The following QTGAL variants were observed in gnomAD, a reference collection of about 807,000 sequenced individuals.
The protein encoded by QTGAL is BGnT-like protein 1.
At chr17:83,014,458 G>A in the QTGAL span, 4 of 1,613,858 alleles carry the variant, frequency 2.5e-6, no homozygotes, top group Middle Eastern at 1.6e-4. Context: ...ACTTACGCTC[G>A]ACGGGTGCTG....
chr17:83,043,980 G>C, the QTGAL span, among the ~76,000 whole-genome samples: 1 of 151,728 alleles, frequency 6.6e-6, no homozygotes, highest in African/African-American at 2.4e-5. Context: ...AACAAATAAA[G>C]AGATTGACTC....
the QTGAL span, chr17:82,957,130 C>T: frequency 6.2e-7 from 1 of 1,608,190 alleles, no homozygotes; most frequent in Non-Finnish European, 8.5e-7. Context: ...TGTCCCTCAG[C>T]CCCGGAGCAG....
the QTGAL span, among the ~76,000 whole-genome samples, chr17:83,042,714 T>C: frequency 0.15 from 22,843 of 152,160 alleles, 1,783 homozygotes; most frequent in African/African-American, 0.21. Context: ...TCACTTTAAA[T>C]GTAAATGGAC....
At chr17:82,988,302 A>AT in the QTGAL span, among the ~76,000 whole-genome samples, 2 of 152,232 alleles carry the variant, frequency 1.3e-5, no homozygotes, top group African/African-American at 4.8e-5. Flanking sequence ...CTGGCTAGCC[A>AT]TATGCAGAAA....
the QTGAL span, among the ~76,000 whole-genome samples, chr17:83,023,015 A>G: frequency 5.4e-5 from 2 of 37,030 alleles, no homozygotes; most frequent in Non-Finnish European, 5.3e-5. Flanking sequence ...GTGAACTCAC[A>G]TGAGCTTAGC....
At chr17:82,999,612 G>T in the QTGAL span, among the ~76,000 whole-genome samples, 1 of 152,186 alleles carries the variant, frequency 6.6e-6, no homozygotes, top group Non-Finnish European at 1.5e-5. Flanking sequence ...TTACAATAAA[G>T]TAAGCTAGAG....
At chr17:82,965,622 G>C in the QTGAL span, 2 of 1,562,828 alleles carry the variant, frequency 1.3e-6, no homozygotes, top group South Asian at 1.2e-5. Context: ...ACCTGGGGGA[G>C]GGACCTGATT....
the QTGAL span, among the ~76,000 whole-genome samples, chr17:82,962,798 T>C: frequency 4.6e-5 from 7 of 152,192 alleles, no homozygotes; most frequent in Non-Finnish European, 1.0e-4. Context: ...AGCCCGACCC[T>C]TGGGGTTTTC....
the QTGAL span, chr17:83,006,525 T>G: frequency 1.0e-6 from 1 of 985,414 alleles, no homozygotes; most frequent in Non-Finnish European, 1.2e-6. The surrounding 1 kb of genome is among the most constrained non-coding windows in gnomAD (Gnocchi z 5.8). Context: ...GAGAGGGACA[T>G]GATGGAGTCC....
the QTGAL span, among the ~76,000 whole-genome samples, chr17:83,043,984 T>C: frequency 5.9e-5 from 9 of 151,788 alleles, no homozygotes; most frequent in East Asian, 1.9e-4. Flanking sequence ...AATAAAGAGA[T>C]TGACTCAGTA....
chr17:83,048,860 C>G, the QTGAL span: 2 of 1,179,150 alleles, frequency 1.7e-6, no homozygotes, highest in South Asian at 2.5e-5. Flanking sequence ...TTTACCTCCC[C>G]TTCACCACCC....
chr17:83,048,903 C>A, the QTGAL span: 16 of 766,378 alleles, frequency 2.1e-5, no homozygotes, highest in Non-Finnish European at 3.6e-5. Flanking sequence ...AAGGTGTCCA[C>A]TCCTTTTCTC....
chr17:82,982,359 T>C, the QTGAL span, among the ~76,000 whole-genome samples: 1 of 152,320 alleles, frequency 6.6e-6, no homozygotes, highest in African/African-American at 2.4e-5. Context: ...TATTCAAGGA[T>C]CAAATGTACT....
At chr17:83,048,539 C>A in the QTGAL span, 4 of 1,614,120 alleles carry the variant, frequency 2.5e-6, no homozygotes, top group Non-Finnish European at 3.4e-6. Context: ...CAGCTTCACT[C>A]TCCATTTTTC....
At chr17:82,980,521 A>ACCC in the QTGAL span, among the ~76,000 whole-genome samples, 1 of 152,212 alleles carries the variant, frequency 6.6e-6, no homozygotes, top group Non-Finnish European at 1.5e-5. Flanking sequence ...CCCTCCAGCT[A>ACCC]TAAATCGGGG....
the QTGAL span, among the ~76,000 whole-genome samples, chr17:83,039,899 TTG>T: frequency 6.6e-6 from 1 of 152,208 alleles, no homozygotes; most frequent in Non-Finnish European, 1.5e-5. Context: ...GCCTGTGATT[TTG>T]TGAGTCTCAC....
chr17:82,961,046 G>A, the QTGAL span: 1 of 1,606,576 alleles, frequency 6.2e-7, no homozygotes, highest in African/African-American at 1.3e-5. Flanking sequence ...GGCCGGGCGG[G>A]GCTGACTCAC....
At chr17:82,986,458 C>T in the QTGAL span, among the ~76,000 whole-genome samples, 2 of 152,228 alleles carry the variant, frequency 1.3e-5, no homozygotes, top group Non-Finnish European at 2.9e-5. Context: ...TTCGCTTCCC[C>T]ACGCTTTAAC....
chr17:82,987,555 G>C, the QTGAL span, among the ~76,000 whole-genome samples: 2 of 152,182 alleles, frequency 1.3e-5, no homozygotes, highest in African/African-American at 4.8e-5. Context: ...CTTTGGACAA[G>C]ATCCATCAAA....
Sources: gnomAD v4.1 joint callset for allele counts (sites outside exome capture counted in the v4.1 genomes callset) on GRCh38, gnomAD v4.1.1 for gene constraint, Gnocchi (gnomAD v3.1) non-coding constraint, MANE v1.5 for transcripts, NCBI Gene and HGNC (gene_info 2026-07-23, HGNC 2026-07-21) for gene names.